The following DLG2 variants were observed in gnomAD, a reference collection of about 807,000 sequenced individuals.
DLG2 encodes the protein disks large homolog 2.
In DLG2, 45 loss-of-function variants were observed where a neutral mutation model predicts 132.5. The observed-to-expected ratio is 0.34, with a 90% CI of 0.27 to 0.44. The LOEUF (loss-of-function observed/expected upper bound fraction) is 0.44. Ranked by LOEUF, DLG2 falls within the 20% of genes least tolerant of loss-of-function variation. The pLI, the probability that DLG2 is intolerant of heterozygous loss-of-function variation, is 1.00. For missense variants in DLG2, 1,045 were observed against 1,196.9 expected, an observed-to-expected ratio of 0.87 and a Z score of 1.87; for synonymous variants, 424 against 419.6, an observed-to-expected ratio of 1.01 and a Z score of -0.13.
intron 2 of DLG2, among the ~76,000 whole-genome samples, chr11:85,625,539 G>C (rs2081986073): frequency 6.6e-6 from 1 of 152,156 alleles, no homozygotes; most frequent in South Asian, 2.1e-4. Context: ...ACAAATATCA[G>C]CTTGGATAAG....
chr11:85,463,761 A>C (rs184451533), intron 3 of DLG2, among the ~76,000 whole-genome samples: 132 of 152,168 alleles, frequency 8.7e-4, no homozygotes, highest in African/African-American at 3.0e-3. Context: ...ACACAGAAAG[A>C]CCTTGTTTAA....
At chr11:84,559,528 T>C (rs1222706119) in intron 6 of DLG2, among the ~76,000 whole-genome samples, 1 of 152,198 alleles carries the variant, frequency 6.6e-6, no homozygotes, top group Non-Finnish European at 1.5e-5. Flanking sequence ...AAACATATTA[T>C]TGATTTTCCA....
intron 6 of DLG2, among the ~76,000 whole-genome samples, chr11:84,595,739 A>G (rs1331576247): frequency 6.6e-6 from 1 of 152,194 alleles, no homozygotes; most frequent in African/African-American, 2.4e-5. Flanking sequence ...GATTCCTTTA[A>G]CCATAAATAA....
chr11:84,098,865 T>A, intron 10 of DLG2, 58 bp downstream of exon 10: 1 of 1,574,590 alleles, frequency 6.4e-7, no homozygotes, highest in South Asian at 1.1e-5. Context: ...GGTACAAATG[T>A]GTCTCATTGA....
intron 18 of DLG2, among the ~76,000 whole-genome samples, chr11:83,717,502 T>C (rs1159732272): frequency 2.0e-5 from 3 of 152,134 alleles, no homozygotes; most frequent in East Asian, 1.9e-4. Flanking sequence ...CCAGTAGTAA[T>C]AGTTGGGAAA....
intron 16 of DLG2, among the ~76,000 whole-genome samples, chr11:83,839,365 C>T (rs1191671815): frequency 6.6e-6 from 1 of 152,122 alleles, no homozygotes; most frequent in Non-Finnish European, 1.5e-5. Context: ...CCTAAGCACA[C>T]TTCAAATGAT....
At chr11:83,928,191 A>T (rs10898181) in intron 15 of DLG2, among the ~76,000 whole-genome samples, 59,517 of 151,736 alleles carry the variant, frequency 0.39, 13,694 homozygotes, top group African/African-American at 0.65. Context: ...AAAATAGAAT[A>T]CCCAAAAAGG....
At chr11:85,129,287 T>C (rs1264537274) in intron 5 of DLG2, among the ~76,000 whole-genome samples, 1 of 152,210 alleles carries the variant, frequency 6.6e-6, no homozygotes, top group East Asian at 1.9e-4. Flanking sequence ...GATTTCCTAG[T>C]CTACAAGATC....
At chr11:84,627,742 G>C (rs1183209354) in intron 6 of DLG2, among the ~76,000 whole-genome samples, 1 of 152,146 alleles carries the variant, frequency 6.6e-6, no homozygotes, top group Non-Finnish European at 1.5e-5. Context: ...TCAGCTTCTG[G>C]GGAGTCCTCA....
chr11:84,855,349 A>C (rs1448920227), intron 6 of DLG2, among the ~76,000 whole-genome samples: 2 of 152,076 alleles, frequency 1.3e-5, no homozygotes, highest in Non-Finnish European at 2.9e-5. Flanking sequence ...GCTCCTTACT[A>C]TATTTATTGA....
chr11:84,779,501 C>T (rs1164094755), intron 6 of DLG2, among the ~76,000 whole-genome samples: 3 of 152,024 alleles, frequency 2.0e-5, no homozygotes, highest in Non-Finnish European at 4.4e-5. Flanking sequence ...ATCATATCAT[C>T]AGCAAACAGG....
chr11:84,265,127 G>A (rs1455705670), intron 7 of DLG2, among the ~76,000 whole-genome samples: 2 of 152,110 alleles, frequency 1.3e-5, no homozygotes, highest in African/African-American at 4.8e-5. Context: ...TTCTATTCAT[G>A]TATAGATGTT....
At chr11:83,879,273 A>G (rs1448806308) in intron 15 of DLG2, among the ~76,000 whole-genome samples, 1 of 152,208 alleles carries the variant, frequency 6.6e-6, no homozygotes, top group East Asian at 1.9e-4. Flanking sequence ...TGGACAGCAC[A>G]AAAAGTTTTT....
chr11:84,683,541 A>C (rs757160045), intron 6 of DLG2, among the ~76,000 whole-genome samples: 36 of 152,196 alleles, frequency 2.4e-4, no homozygotes, highest in Non-Finnish European at 4.7e-4. Context: ...GTTGCTGAAA[A>C]TACCAGCCTC....
chr11:84,026,304 C>T (rs935142479), intron 11 of DLG2, among the ~76,000 whole-genome samples: 3 of 151,980 alleles, frequency 2.0e-5, no homozygotes, highest in Non-Finnish European at 4.4e-5. Context: ...TTGGAAAAGA[C>T]CTGTGTGTTT....
At chr11:84,297,847 C>T (rs777119413) in intron 7 of DLG2, among the ~76,000 whole-genome samples, 1 of 152,040 alleles carries the variant, frequency 6.6e-6, no homozygotes, top group Non-Finnish European at 1.5e-5. Context: ...AATAACTTGT[C>T]AAACTTTTTC....
chr11:84,039,266 T>A (rs1593729379), intron 11 of DLG2, among the ~76,000 whole-genome samples: 2 of 151,380 alleles, frequency 1.3e-5, no homozygotes, highest in South Asian at 4.2e-4. Context: ...ATGTGCACAT[T>A]GTGCAGGTTA....
chr11:84,347,907 C>T, intron 7 of DLG2, among the ~76,000 whole-genome samples: 1 of 152,110 alleles, frequency 6.6e-6, no homozygotes, highest in East Asian at 1.9e-4. Flanking sequence ...GTCTTTACAG[C>T]CAAAAATATC....
chr11:84,360,686 G>C (rs371357366), intron 7 of DLG2, among the ~76,000 whole-genome samples: 1 of 151,800 alleles, frequency 6.6e-6, no homozygotes, highest in Admixed American at 6.6e-5. Context: ...AGAATACCAG[G>C]GTTGAAGGAT....
Sources: gnomAD v4.1 joint callset for allele counts (sites outside exome capture counted in the v4.1 genomes callset) on GRCh38, gnomAD v4.1.1 for gene constraint, MANE v1.5 for transcripts, NCBI Gene and HGNC (gene_info 2026-07-23, HGNC 2026-07-21) for gene names.